Variants in ERBB4 observed in about 807,000 individuals in gnomAD.
ERBB4 encodes the protein receptor tyrosine-protein kinase erbB-4.
In ERBB4, 42 loss-of-function variants were observed where a neutral mutation model predicts 158.0. The observed-to-expected ratio is 0.27, with a 90% CI of 0.21 to 0.34. The LOEUF is 0.34. Ranked by LOEUF, ERBB4 falls within the 10% of genes least tolerant of loss-of-function variation. The probability of loss-of-function intolerance (pLI) is 1.00; values close to 1 mark genes in which losing one functional copy is unlikely to be tolerated. For synonymous variants in ERBB4, 583 were observed against 558.7 expected, an observed-to-expected ratio of 1.04 and a Z score of -0.61; for missense variants, 1,333 against 1,624.1, an observed-to-expected ratio of 0.82 and a Z score of 3.08.
chr2:212,226,077 G>A (rs557240597), intron 1 of ERBB4, among the ~76,000 whole-genome samples: 4 of 152,196 alleles, frequency 2.6e-5, no homozygotes, highest in East Asian at 1.9e-4. Context: ...GATTCAAATC[G>A]GCAAAGATGC....
rs190960469 is a variant in ERBB4, at chr2:211,972,740, A to T, written c.235-25124T>A. ...AAACTGAACCCATTCCTTATGCCACATACACAAATTTATTCAAGATGGACT... is the reference window on the plus strand; with the variant it reads ...AAACTGAACCCATTCCTTATGCCACTTACACAAATTTATTCAAGATGGACT... On this transcript the variant is annotated intron_variant, in intron 2 of 27. Transcript: ENST00000342788. Among the ~76,000 whole-genome samples the T allele has an allele frequency of 2.2e-4, 33 of 152,340 alleles. No homozygotes were observed. The Middle Eastern group carries it at 0.01, about 47-fold the overall frequency.
chr2:212,076,334 G>C (rs769281641), intron 2 of ERBB4, among the ~76,000 whole-genome samples: 20 of 151,860 alleles, frequency 1.3e-4, no homozygotes, highest in Non-Finnish European at 2.7e-4. Flanking sequence ...GATCATGAGA[G>C]AGATAAATAT....
Position 211,755,168 on chromosome 2 carries a change from AC to A in ERBB4, c.557-4465del, listed in dbSNP as rs1463915789. Among the ~76,000 whole-genome samples the A allele has an allele frequency of 4.6e-5, 7 of 152,222 alleles. No individual in the cohort carries two copies. In the East Asian group the frequency reaches 9.7e-4, roughly 21 times the overall value. Reference sequence around the variant, plus strand: ...AAGAAACAAACCAACATTTTAAACAACCATTTCAGTTACTTTATTAACTATT... The same window carrying A: ...AAGAAACAAACCAACATTTTAAACAACATTTCAGTTACTTTATTAACTATT... On this transcript the variant is annotated intron_variant, in intron 4 of 27. Coordinates refer to ENST00000342788, the MANE Select transcript of ERBB4 (RefSeq NM_005235.3).
At chr2:212,235,011 G>A (rs1574488931) in intron 1 of ERBB4, among the ~76,000 whole-genome samples, 1 of 152,116 alleles carries the variant, frequency 6.6e-6, no homozygotes, top group Non-Finnish European at 1.5e-5. Context: ...GGCTTGCGAT[G>A]CCATTGGTGT....
chr2:212,007,710 A>G (rs926899536), intron 2 of ERBB4, among the ~76,000 whole-genome samples: 1 of 151,944 alleles, frequency 6.6e-6, no homozygotes, highest in Non-Finnish European at 1.5e-5. Flanking sequence ...AGTTCTAAAC[A>G]AATAGATTTT....
chr2:211,456,778 C>G (rs1261316960), intron 20 of ERBB4, among the ~76,000 whole-genome samples: 4 of 152,016 alleles, frequency 2.6e-5, no homozygotes, highest in Non-Finnish European at 5.9e-5. Flanking sequence ...ACTTAGATCC[C>G]TCGCATGCAC....
At chr2:211,745,855 G>C (rs1007828940) in intron 5 of ERBB4, among the ~76,000 whole-genome samples, 2 of 151,874 alleles carry the variant, frequency 1.3e-5, no homozygotes, top group Non-Finnish European at 1.5e-5. Context: ...TGTATCTCTT[G>C]GCTAATTTCA....
intron 20 of ERBB4, among the ~76,000 whole-genome samples, chr2:211,450,733 G>A (rs2064225368): frequency 6.6e-6 from 1 of 152,074 alleles, no homozygotes; most frequent in African/African-American, 2.4e-5. Flanking sequence ...TTCTCCAACT[G>A]TTTGAATTAA....
chr2:212,498,313 G>T (rs1487711939), intron 1 of ERBB4, among the ~76,000 whole-genome samples: 1 of 151,980 alleles, frequency 6.6e-6, no homozygotes, highest in Non-Finnish European at 1.5e-5. Context: ...ATTTTTCTTG[G>T]TTTTTAATGT....
At chr2:211,486,033 T>C (rs987463317) in intron 20 of ERBB4, among the ~76,000 whole-genome samples, 37 of 152,118 alleles carry the variant, frequency 2.4e-4, no homozygotes, top group Admixed American at 3.3e-4. Flanking sequence ...TGTATCTATA[T>C]GTAAATATAT....
At chr2:211,493,110 AC>A (rs1304983600) in intron 20 of ERBB4, among the ~76,000 whole-genome samples, 1 of 152,152 alleles carries the variant, frequency 6.6e-6, no homozygotes, top group Non-Finnish European at 1.5e-5. Context: ...CCAAACTATT[AC>A]GTAATTTGAG....
intron 13 of ERBB4, among the ~76,000 whole-genome samples, chr2:211,674,533 G>A (rs2071978317): frequency 6.6e-6 from 1 of 152,184 alleles, no homozygotes; most frequent in South Asian, 2.1e-4. Context: ...CATGGATTAT[G>A]CATTTTATAA....
At chr2:212,085,732 T>G (rs1377310378) in intron 2 of ERBB4, among the ~76,000 whole-genome samples, 2 of 151,934 alleles carry the variant, frequency 1.3e-5, no homozygotes, top group African/African-American at 4.8e-5. Flanking sequence ...TTGTTAATAT[T>G]TATTTATAAG....
chr2:211,917,879 G>A (rs1045785413), intron 3 of ERBB4, among the ~76,000 whole-genome samples: 1 of 152,096 alleles, frequency 6.6e-6, no homozygotes, highest in Non-Finnish European at 1.5e-5. Context: ...TTACTATGCT[G>A]GTGGTATTAA....
chr2:212,113,795 T>A (rs1041695523), intron 2 of ERBB4, among the ~76,000 whole-genome samples: 6 of 152,104 alleles, frequency 3.9e-5, no homozygotes, highest in African/African-American at 1.2e-4. Flanking sequence ...AAGTATCCCA[T>A]GTTTCCATTA....
At chr2:212,509,451 C>T (rs987862593) in intron 1 of ERBB4, among the ~76,000 whole-genome samples, 8 of 151,926 alleles carry the variant, frequency 5.3e-5, no homozygotes, top group Non-Finnish European at 1.2e-4. Flanking sequence ...CCTCCTCAGC[C>T]TGTAATCACG....
intron 18 of ERBB4, 95 bp from the exon 19 acceptor site, chr2:211,619,370 C>T (rs983562950): frequency 6.7e-6 from 5 of 748,032 alleles, no homozygotes; most frequent in African/African-American, 1.7e-5. Context: ...ATTCAATCAA[C>T]AAATGTTTAT....
chr2:211,845,073 A>C (rs11897618), intron 3 of ERBB4, among the ~76,000 whole-genome samples: 1 of 152,112 alleles, frequency 6.6e-6, no homozygotes, highest in Non-Finnish European at 1.5e-5. Context: ...TATTGTCCTC[A>C]AAGAGAGTGG....
At chr2:211,414,729 C>T (rs963164968) in intron 25 of ERBB4, among the ~76,000 whole-genome samples, 1 of 151,964 alleles carries the variant, frequency 6.6e-6, no homozygotes, top group Admixed American at 6.6e-5. Context: ...TGTTTAACAG[C>T]AACTTGAAAT....
Sources: allele counts gnomAD v4.1 joint callset (sites outside exome capture counted in the v4.1 genomes callset), GRCh38; gene constraint gnomAD v4.1.1; transcripts MANE v1.5; gene names NCBI Gene and HGNC (gene_info 2026-07-23, HGNC 2026-07-21).